Variants in SBNO1 observed in about 807,000 individuals in gnomAD.
SBNO1 encodes strawberry notch homolog 1, also known as protein strawberry notch homolog 1.
In SBNO1, 23 loss-of-function variants were observed where a neutral mutation model predicts 173.6. The observed-to-expected ratio is 0.13, with a 90% CI of 0.10 to 0.19. The LOEUF is 0.19. Ranked by LOEUF, SBNO1 falls within the 10% of genes least tolerant of loss-of-function variation. The probability of loss-of-function intolerance (pLI) is 1.00; values close to 1 mark genes in which losing one functional copy is unlikely to be tolerated. For missense variants in SBNO1, 1,238 were observed against 1,671.2 expected (o/e 0.74, Z 4.52); for synonymous variants, 632 against 571.5 (o/e 1.11, Z -1.51).
At chr12:123,336,351 A>C (rs375150292) in intron 6 of SBNO1, 44 bp downstream of exon 6, 392 of 1,191,080 alleles carry the variant, frequency 3.3e-4, no homozygotes, top group Middle Eastern at 5.7e-4. Flanking sequence ...AAGAAACCAC[A>C]GGAAAACTTT....
intron 30 of SBNO1, among the ~76,000 whole-genome samples, chr12:123,300,223 T>G (rs1296168005): frequency 6.6e-6 from 1 of 152,168 alleles, no homozygotes; most frequent in Non-Finnish European, 1.5e-5. Context: ...ATGTTTGTTG[T>G]TTTTTAAGTT....
At chr12:123,355,991 A>G (rs1234360174) in intron 1 of SBNO1, among the ~76,000 whole-genome samples, 1 of 152,174 alleles carries the variant, frequency 6.6e-6, no homozygotes, top group Non-Finnish European at 1.5e-5. Flanking sequence ...CAACACAGAA[A>G]GTTACCAAGG....
intron 28 of SBNO1, 137 bp from the exon 29 acceptor site, chr12:123,304,856 G>A (rs1166894902): frequency 6.4e-6 from 4 of 620,608 alleles, no homozygotes; most frequent in Admixed American, 3.2e-5. Flanking sequence ...AAAAAGGACC[G>A]AAAATGCTTG....
intron 5 of SBNO1, among the ~76,000 whole-genome samples, chr12:123,337,416 A>AG (rs1871978879): frequency 6.6e-6 from 1 of 152,242 alleles, no homozygotes; most frequent in South Asian, 2.1e-4. Context: ...CCAAGGGAAG[A>AG]GGACAACAAA....
chr12:123,294,634 CAAAAAAAAAAAAAAAAAAAAA>C lies in SBNO1; in HGVS notation c.*1253_*1273del. The C allele has an allele frequency of 1.7e-5, 1 of 59,956 alleles. No homozygotes were observed. The highest frequency in any genetic ancestry group is 8.5e-4 in the South Asian group (1 of 1,180). The allele number at this position is 59,956 out of a possible 1,614,324, so 3.7% of individuals were successfully genotyped here. On this transcript the variant is annotated 3_prime_UTR_variant, in exon 32 of 32. Transcript: ENST00000602398. Reference sequence around the variant, plus strand: ...TTTTCAATAGTGCAACCTGTGGAAGCAAAAAAAAAAAAAAAAAAAAAAAAAAAGAAAAAAAGAAAAGAAAGA... The same window carrying C: ...TTTTCAATAGTGCAACCTGTGGAAGCAAAAAAGAAAAAAAGAAAAGAAAGA...
intron 1 of SBNO1, among the ~76,000 whole-genome samples, chr12:123,361,965 C>T (rs1875274755): frequency 6.7e-6 from 1 of 149,114 alleles, no homozygotes; most frequent in South Asian, 2.1e-4. Context: ...ATGGTGAAAC[C>T]CCGTGTCTAC....
chr12:123,353,214 C>A (rs545814713), intron 1 of SBNO1, among the ~76,000 whole-genome samples: 16 of 152,250 alleles, frequency 1.1e-4, no homozygotes, highest in Admixed American at 6.5e-5. Flanking sequence ...GTGTTAAATT[C>A]TTCATAAACA....
chr12:123,339,791 A>G (rs1566046182), intron 5 of SBNO1, among the ~76,000 whole-genome samples: 1 of 151,980 alleles, frequency 6.6e-6, no homozygotes, highest in Non-Finnish European at 1.5e-5. Flanking sequence ...CATCTCAAAA[A>G]CAACAACAAC....
At chr12:123,313,561 G>A in intron 24 of SBNO1, 59 bp downstream of exon 24, 2 of 913,180 alleles carry the variant, frequency 2.2e-6, no homozygotes, top group Non-Finnish European at 3.5e-6. Context: ...ATTACAACAG[G>A]TTTGAGTACA....
In SBNO1 at chr12:123,321,667, C is replaced by A. The variant is rs746299821; in HGVS notation, c.2191G>T (p.Asp731Tyr). Residue 731 changes from aspartate to tyrosine, a missense_variant, in exon 17 of 32, where the codon GAC becomes TAC. By Grantham distance (160) the Asp-to-Tyr change is radical. This residue lies in a region of SBNO1 where 81 missense variants were observed against 82.6 expected (regional missense o/e 0.98). Transcript: ENST00000602398. The part of the protein sequence containing the change: ...KVGGLTGSSS[D>Y]DSGSESDASD... ...GCATCAGATTCACTTCCACTGTCGTCAGAACTGCTACCAGTAAGGCCACCT... is the reference window on the plus strand; with the variant it reads ...GCATCAGATTCACTTCCACTGTCGTAAGAACTGCTACCAGTAAGGCCACCT... 1 of 1,614,090 alleles carries A rather than the reference C, an allele frequency of 6.2e-7. No homozygotes were observed. The highest frequency in any genetic ancestry group is 2.2e-5 in the East Asian group (1 of 44,876).
At chr12:123,351,191 A>G (rs1282635926) in intron 1 of SBNO1, among the ~76,000 whole-genome samples, 1 of 152,202 alleles carries the variant, frequency 6.6e-6, no homozygotes, top group Non-Finnish European at 1.5e-5. Context: ...TCAGAACAGA[A>G]GTATGGGGCT....
intron 28 of SBNO1, among the ~76,000 whole-genome samples, chr12:123,307,654 C>T (rs780465116): frequency 3.9e-5 from 6 of 152,168 alleles, no homozygotes; most frequent in East Asian, 1.9e-4. Flanking sequence ...GGCCAGGCAG[C>T]GTGGTTCACA....
At chr12:123,310,725 G>A (rs2138921219) in intron 25 of SBNO1, among the ~76,000 whole-genome samples, 1 of 151,422 alleles carries the variant, frequency 6.6e-6, no homozygotes, top group Middle Eastern at 3.4e-3. Context: ...AGTAGAGATG[G>A]GGTTTCATCA....
At chr12:123,346,578 G>A (rs1048371480) in intron 3 of SBNO1, among the ~76,000 whole-genome samples, 2 of 152,092 alleles carry the variant, frequency 1.3e-5, no homozygotes, top group African/African-American at 4.8e-5. Flanking sequence ...GCAGGAGAAT[G>A]GCCTGAACAC....
At chr12:123,342,133 C>T (rs1872640718) in intron 4 of SBNO1, among the ~76,000 whole-genome samples, 1 of 152,080 alleles carries the variant, frequency 6.6e-6, no homozygotes, top group African/African-American at 2.4e-5. Context: ...TGCTCATAAT[C>T]CCAGCTACTT....
In SBNO1 at chr12:123,331,353, T is replaced by C. The variant is rs1383808427; in HGVS notation, c.932A>G (p.Asn311Ser). 1 of 1,613,914 alleles carries C rather than the reference T, an allele frequency of 6.2e-7. No homozygotes were observed. Among genetic ancestry groups the C allele is most frequent in the South Asian group, 1.1e-5 (1 of 91,068 alleles). The change falls in exon 8 of 32, where the codon AAT (asparagine) becomes AGT (serine). Residue 311 changes from asparagine to serine, a missense_variant. By Grantham distance (46) the Asn-to-Ser change is conservative. Coordinates refer to ENST00000602398, the MANE Select transcript of SBNO1 (RefSeq NM_001167856.3). The part of the protein sequence containing the change: ...AAQQHETFLP[N>S]GDRAGFLIGD... Reference sequence around the variant, plus strand: ...TATTAAGAAGCCAGCACGATCTCCATTAGGTAGGAAAGTTTCATGTTGCTG... The same window carrying C: ...TATTAAGAAGCCAGCACGATCTCCACTAGGTAGGAAAGTTTCATGTTGCTG...
At chr12:123,307,020 T>TTAAAA (rs755357101) in intron 28 of SBNO1, among the ~76,000 whole-genome samples, 1,470 of 64,522 alleles carry the variant, frequency 0.023, 29 homozygotes, top group Non-Finnish European at 0.03. Flanking sequence ...TCAACTGCAT[T>TTAAAA]AAAAAAAAAA....
intron 5 of SBNO1, among the ~76,000 whole-genome samples, chr12:123,339,705 C>T (rs1468682828): frequency 2.0e-5 from 3 of 151,912 alleles, no homozygotes; most frequent in Admixed American, 6.6e-5. Context: ...AAGAATCGCT[C>T]GAACCTGGGA....
At position 123,348,141 on chromosome 12, in the gene SBNO1, G is replaced by A. The variant is rs147424831; in HGVS notation, c.133-8C>T. ...TGCACTAAGTGGCACTGACTGGAGA[G>A]AAAACAACATCAGACAAAAAATAAA... On this transcript the variant is annotated splice_polypyrimidine_tract_variant and splice_region_variant and intron_variant, in intron 2 of 31. Coordinates refer to ENST00000602398, the MANE Select transcript of SBNO1 (RefSeq NM_001167856.3). 36 of 1,486,126 alleles carry A rather than the reference G, an allele frequency of 2.4e-5. No homozygotes were observed. In the African/African-American group the frequency reaches 4.2e-4, roughly 18 times the overall value. The allele number at this position is 1,486,126 out of a possible 1,614,324, so 92.1% of individuals were successfully genotyped here.
Sources: allele counts gnomAD v4.1 joint callset (sites outside exome capture counted in the v4.1 genomes callset), GRCh38; gene constraint gnomAD v4.1.1; regional missense constraint gnomAD v4.1.1; transcripts MANE v1.5; gene names NCBI Gene and HGNC (gene_info 2026-07-23, HGNC 2026-07-21).